The following COL25A1 variants were observed in gnomAD, a reference collection of about 807,000 sequenced individuals.
COL25A1 encodes the protein collagen type XXV alpha 1 chain, also known as collagen alpha-1(XXV) chain.
Under a neutral mutation model 128.4 loss-of-function variants are expected in COL25A1, and 103 were observed. The ratio of observed to expected loss-of-function variants is 0.80; its 90% CI spans 0.68 to 0.94. The LOEUF (loss-of-function observed/expected upper bound fraction) is 0.94. Among genes scored for constraint, COL25A1 ranks in the 40% least tolerant of loss-of-function variants. The probability of loss-of-function intolerance (pLI) is 0.00; values close to 1 mark genes in which losing one functional copy is unlikely to be tolerated. For missense variants in COL25A1, 745 were observed against 840.0 expected (o/e 0.89, Z 1.40); for synonymous variants, 279 against 277.2 (o/e 1.01, Z -0.06).
intron 3 of COL25A1, among the ~76,000 whole-genome samples, chr4:109,101,651 GT>G (rs1765903309): frequency 6.6e-6 from 1 of 152,038 alleles, no homozygotes; most frequent in African/African-American, 2.4e-5. Flanking sequence ...ACAAGTCTAG[GT>G]GTCTCTTGAA....
chr4:109,124,261 A>C (rs1014196720), intron 3 of COL25A1, among the ~76,000 whole-genome samples: 16 of 152,030 alleles, frequency 1.1e-4, no homozygotes, highest in African/African-American at 3.6e-4. Flanking sequence ...ATTTTTCAGC[A>C]TTTTATTCTG....
intron 31 of COL25A1, chr4:108,838,120 T>C (rs749726599): frequency 6.5e-6 from 10 of 1,549,794 alleles, no homozygotes; most frequent in African/African-American, 1.4e-5. Flanking sequence ...GGGTCCTCTG[T>C]CACCCTTTTG....
At chr4:109,135,683 A>G (rs1769670314) in intron 3 of COL25A1, among the ~76,000 whole-genome samples, 1 of 152,164 alleles carries the variant, frequency 6.6e-6, no homozygotes, top group Admixed American at 6.5e-5. Flanking sequence ...CTAAACTCCA[A>G]ATTTAATCTG....
intron 11 of COL25A1, among the ~76,000 whole-genome samples, chr4:108,928,606 G>A (rs1331409342): frequency 2.6e-5 from 4 of 151,822 alleles, no homozygotes; most frequent in Non-Finnish European, 5.9e-5. Flanking sequence ...GCATGATCTC[G>A]ACTTCCTACA....
intron 6 of COL25A1, among the ~76,000 whole-genome samples, chr4:108,995,170 C>T (rs768336247): frequency 2.6e-5 from 4 of 152,092 alleles, no homozygotes; most frequent in Non-Finnish European, 4.4e-5. Context: ...CAAACTTCTC[C>T]GAGCTGAAGG....
chr4:109,229,850 T>G (rs80302647), intron 3 of COL25A1, among the ~76,000 whole-genome samples: 3,341 of 152,234 alleles, frequency 0.022, 102 homozygotes, highest in African/African-American at 0.068. Flanking sequence ...ATACTTCAGA[T>G]AGGGCAACTT....
chr4:109,249,800 T>C (rs879039700), intron 3 of COL25A1, among the ~76,000 whole-genome samples: 1 of 152,202 alleles, frequency 6.6e-6, no homozygotes, highest in Non-Finnish European at 1.5e-5. Flanking sequence ...AAAGGTTGTG[T>C]TAGCAAGGAA....
At chr4:108,856,511 T>A (rs1578558962) in intron 24 of COL25A1, among the ~76,000 whole-genome samples, 1 of 152,176 alleles carries the variant, frequency 6.6e-6, no homozygotes, top group Non-Finnish European at 1.5e-5. Flanking sequence ...AGAATAAATG[T>A]CTACCATCTC....
At chr4:108,886,829 C>A (rs1035456646) in intron 18 of COL25A1, among the ~76,000 whole-genome samples, 1 of 152,128 alleles carries the variant, frequency 6.6e-6, no homozygotes, top group Non-Finnish European at 1.5e-5. Flanking sequence ...ACCTTTCACC[C>A]TCCATTACAG....
intron 3 of COL25A1, among the ~76,000 whole-genome samples, chr4:109,239,376 A>ATG (rs57537875): frequency 8.5e-4 from 100 of 118,064 alleles, no homozygotes; most frequent in East Asian, 3.3e-3. Flanking sequence ...ATGTGTGTGT[A>ATG]TGTGTGTGTG....
rs181628397 is a variant in COL25A1 at position 109,116,392 on chromosome 4, T to C, written c.368-66213A>G. 2.6e-5 allele frequency among the ~76,000 whole-genome samples: 4 copies of C among 152,146 alleles called. No homozygotes were observed. The East Asian group carries it at 5.8e-4, about 22-fold the overall frequency. ...ATCAGAGCCTGATCAACCTGAAGAT[T>C]AGGAAAATCTTCCTCTAGCCATGTT... On this transcript the variant is annotated intron_variant, in intron 3 of 37. Transcript: ENST00000399132.
intron 3 of COL25A1, among the ~76,000 whole-genome samples, chr4:109,069,862 C>T (rs1341360046): frequency 2.6e-5 from 4 of 152,180 alleles, no homozygotes; most frequent in African/African-American, 9.6e-5. Flanking sequence ...ATGAAATAAG[C>T]ATATGCTACT....
chr4:108,918,200 G>C lies in COL25A1; in HGVS notation c.752C>G (p.Pro251Arg), dbSNP rs965304051. The change falls in exon 13 of 38, where the codon CCT becomes CGT. Residue 251 changes from proline to arginine, a missense_variant. Pro to Arg is a moderately radical substitution (Grantham distance 103, BLOSUM62 -2). Transcript: ENST00000399132. ...PPGQKGSIGAPGIPGMNGQKG... is the reference protein window; with the variant it reads ...PPGQKGSIGARGIPGMNGQKG... The stretch of plus-strand genomic sequence containing the variant: ...TTGCCCATTCATCCCTGGAATTCCA[G>C]GTGCTCCAATAGAACCCTAAAGAGA... 1 of 1,598,762 alleles carries C rather than the reference G, an allele frequency of 6.3e-7. No individual in the cohort carries two copies. Among genetic ancestry groups the C allele is most frequent in the Non-Finnish European group, 8.5e-7 (1 of 1,170,546 alleles).
At position 109,278,937 on chromosome 4, in the gene COL25A1, C is replaced by T. The variant is rs117002193; in HGVS notation, c.367+21646G>A. On this transcript the variant is annotated intron_variant, in intron 3 of 37. Coordinates refer to ENST00000399132, the MANE Select transcript of COL25A1 (RefSeq NM_198721.4). ...AGGGCCTGCTTCCTCTTGAATGGCA[C>T]CTTGTAGCTGTGTTCACACATGGTG... is the stretch of plus-strand genomic sequence containing the variant. Among the ~76,000 whole-genome samples, 1,264 of 152,232 alleles carry T rather than the reference C, an allele frequency of 8.3e-3. 65 individuals are homozygous for T. In the South Asian group the frequency reaches 0.14, roughly 17 times the overall value.
In COL25A1 at chr4:109,270,491, T is replaced by C. The variant is rs568014068; in HGVS notation, c.367+30092A>G. ...CACAACTGCTTCAAAGAGAATAAAA[T>C]ACCTAGGAATCCAACTTACAAGGGA... is the stretch of plus-strand genomic sequence containing the variant. On this transcript the variant is annotated intron_variant, in intron 3 of 37. Transcript: ENST00000399132. 3.3e-5 allele frequency among the ~76,000 whole-genome samples: 5 copies of C among 152,174 alleles called. No homozygotes were observed. In the East Asian group the frequency reaches 9.6e-4, roughly 29 times the overall value.
chr4:108,823,650 A>T (rs1281562908), intron 35 of COL25A1, among the ~76,000 whole-genome samples: 1 of 152,196 alleles, frequency 6.6e-6, no homozygotes, highest in Admixed American at 6.5e-5. Flanking sequence ...GTTGCTCTGA[A>T]TCTGAAAGTG....
intron 3 of COL25A1, among the ~76,000 whole-genome samples, chr4:109,195,815 A>C (rs1314908706): frequency 6.6e-6 from 1 of 152,174 alleles, no homozygotes; most frequent in Non-Finnish European, 1.5e-5. Context: ...GATTCTGGAA[A>C]CAAATCCATA....
intron 13 of COL25A1, among the ~76,000 whole-genome samples, chr4:108,917,301 G>C (rs529524428): frequency 6.6e-6 from 1 of 152,152 alleles, no homozygotes; most frequent in Non-Finnish European, 1.5e-5. Flanking sequence ...GTTGAGTTAC[G>C]TATGATTTCA....
rs189016813 is a variant in COL25A1 at position 109,029,646 on chromosome 4, G to A, written c.420+18522C>T. 1.2e-4 allele frequency among the ~76,000 whole-genome samples: 18 copies of A among 152,258 alleles called. No individual in the cohort carries two copies. In the South Asian group the frequency reaches 1.2e-3, roughly 11 times the overall value. On this transcript the variant is annotated intron_variant, in intron 5 of 37. Transcript: ENST00000399132. The stretch of plus-strand genomic sequence containing the variant: ...CATATTTGTAGGAAGAAACATATAC[G>A]TATAGGATTTGGTGCTATCCGCAGT...
Sources: gnomAD v4.1 joint callset for allele counts (sites outside exome capture counted in the v4.1 genomes callset) on GRCh38, gnomAD v4.1.1 for gene constraint, MANE v1.5 for transcripts, NCBI Gene and HGNC (gene_info 2026-07-23, HGNC 2026-07-21) for gene names.